The following CDYL2 variants were observed in gnomAD, a reference collection of about 807,000 sequenced individuals.
CDYL2 encodes the protein chromodomain Y like 2, also known as chromodomain Y-like protein 2.
In CDYL2, 23 loss-of-function variants were observed where a neutral mutation model predicts 49.4. The observed-to-expected ratio is 0.47, with a 90% CI of 0.34 to 0.66. The LOEUF is 0.66. Ranked by LOEUF, CDYL2 falls within the 30% of genes least tolerant of loss-of-function variation. The pLI is 0.01. For missense variants in CDYL2, 678 were observed against 656.4 expected (o/e 1.03, Z -0.36); for synonymous variants, 360 against 268.8 (o/e 1.34, Z -3.32).
intron 2 of CDYL2, among the ~76,000 whole-genome samples, chr16:80,678,096 A>C (rs1909829184): frequency 6.6e-6 from 1 of 152,150 alleles, no homozygotes; most frequent in South Asian, 2.1e-4. Flanking sequence ...CTTACACCTT[A>C]TACAAAAATC....
rs56320625 is a variant in CDYL2, at chr16:80,605,287, C to T, written c.1363-741G>A. ...TTATGTATTATATACATTATATATA[C>T]GTATAAACACATATGTATATAGGTA... On this transcript the variant is annotated intron_variant, in intron 6 of 6. Coordinates refer to ENST00000570137, the MANE Select transcript of CDYL2 (RefSeq NM_152342.4). Among the ~76,000 whole-genome samples, 797 of 148,366 alleles carry T rather than the reference C, an allele frequency of 5.4e-3. 4 individuals are homozygous for T. The highest frequency in any genetic ancestry group is 0.019 in the African/African-American group (754 of 40,612).
intron 2 of CDYL2, among the ~76,000 whole-genome samples, chr16:80,646,460 A>G (rs1208417711): frequency 6.6e-6 from 1 of 152,008 alleles, no homozygotes; most frequent in African/African-American, 2.4e-5. Flanking sequence ...TGAATGTACT[A>G]AACTCTTCAA....
At chr16:80,691,432 T>A (rs987202036) in intron 1 of CDYL2, among the ~76,000 whole-genome samples, 13 of 152,332 alleles carry the variant, frequency 8.5e-5, no homozygotes, top group African/African-American at 3.1e-4. Flanking sequence ...GGGAAATGGC[T>A]GTCAGACCAA....
At chr16:80,688,225 C>A (rs906878669) in intron 1 of CDYL2, among the ~76,000 whole-genome samples, 1 of 152,180 alleles carries the variant, frequency 6.6e-6, no homozygotes, top group Admixed American at 6.5e-5. Context: ...GTCCCATTCA[C>A]AAAGCCACTG....
At chr16:80,763,747 T>G (rs1369417943) in intron 1 of CDYL2, among the ~76,000 whole-genome samples, 1 of 152,202 alleles carries the variant, frequency 6.6e-6, no homozygotes, top group Non-Finnish European at 1.5e-5. Flanking sequence ...CCAAAATAAT[T>G]TGCAGATAAT....
chr16:80,683,154 G>C (rs905926629), intron 2 of CDYL2, among the ~76,000 whole-genome samples: 1 of 152,190 alleles, frequency 6.6e-6, no homozygotes, highest in African/African-American at 2.4e-5. Context: ...CATTCCCCCT[G>C]CATCCAAGCA....
chr16:80,685,938 C>A (rs567922275), intron 1 of CDYL2, among the ~76,000 whole-genome samples: 1 of 152,312 alleles, frequency 6.6e-6, no homozygotes, highest in East Asian at 1.9e-4. Flanking sequence ...ACAGCTCCCC[C>A]AGCTGCAACA....
In CDYL2 at chr16:80,700,034, A is replaced by G. The variant is rs181603419; in HGVS notation, c.25-14905T>C. On this transcript the variant is annotated intron_variant, in intron 1 of 6. Coordinates refer to ENST00000570137, the MANE Select transcript of CDYL2 (RefSeq NM_152342.4). ...AGGTGCCTGCAACCACGCCTGGCTG[A>G]TTTTTTAGTAGAGACGGGGTTTCAC... Among the ~76,000 whole-genome samples the G allele has an allele frequency of 7.1e-4, 108 of 152,222 alleles. 2 individuals are homozygous for G. The East Asian group carries it at 0.019, about 27-fold the overall frequency.
chr16:80,756,620 C>T (rs1170479769), intron 1 of CDYL2, among the ~76,000 whole-genome samples: 1 of 151,936 alleles, frequency 6.6e-6, no homozygotes, highest in East Asian at 1.9e-4. Flanking sequence ...TTTCAGACGA[C>T]AGTAAAAAAA....
At position 80,683,542 on chromosome 16, in the gene CDYL2, T is replaced by TA. The variant is rs1249735033; in HGVS notation, c.616+995dup. Among the ~76,000 whole-genome samples the TA allele has an allele frequency of 5.3e-5, 8 of 150,894 alleles. No individual in the cohort carries two copies. The South Asian group carries it at 1.7e-3, about 32-fold the overall frequency. Reference sequence around the variant, plus strand: ...CTAACACAACATATGCAGGCTGTGTTAGAGTAAGAGGCTGCCAATCGAAAG... The same window carrying TA: ...CTAACACAACATATGCAGGCTGTGTTAAGAGTAAGAGGCTGCCAATCGAAAG... On this transcript the variant is annotated intron_variant, in intron 2 of 6. Transcript: ENST00000570137.
intron 2 of CDYL2, among the ~76,000 whole-genome samples, chr16:80,667,171 G>A (rs933504186): frequency 2.6e-5 from 4 of 152,202 alleles, no homozygotes; most frequent in Non-Finnish European, 4.4e-5. Context: ...AGGGCTCACA[G>A]CGGGAGGCAT....
At position 80,684,572 on chromosome 16, in the gene CDYL2, G is replaced by A. The variant is rs149647231; in HGVS notation, c.582C>T (p.Asp194=). The stretch of plus-strand genomic sequence containing the variant: ...TCTCCGCCAGTGTAGCGTGATTCAC[G>A]TCACATTCACCCATATCTTGCTCTC... ...HVGEQDMGEC[D]VNHATLAENG... The change falls in exon 2 of 7, where the codon GAC becomes GAT. Residue 194 remains aspartate, a synonymous_variant. Coordinates refer to ENST00000570137, the MANE Select transcript of CDYL2 (RefSeq NM_152342.4). 60 of 1,614,056 alleles carry A rather than the reference G, an allele frequency of 3.7e-5. No homozygotes were observed. Among genetic ancestry groups the A allele is most frequent in the Middle Eastern group, 3.3e-4 (2 of 6,062 alleles).
chr16:80,685,512 G>A (rs1478812761), intron 1 of CDYL2, among the ~76,000 whole-genome samples: 2 of 152,170 alleles, frequency 1.3e-5, no homozygotes, highest in East Asian at 3.8e-4. Flanking sequence ...AATTTGGTGT[G>A]AGTTCTTCAT....
intron 2 of CDYL2, among the ~76,000 whole-genome samples, chr16:80,661,100 G>A (rs1204490700): frequency 2.0e-5 from 3 of 152,126 alleles, no homozygotes; most frequent in Admixed American, 6.5e-5. Context: ...CAGGGCACAG[G>A]AACCATGTCC....
At chr16:80,676,902 TG>T in intron 2 of CDYL2, among the ~76,000 whole-genome samples, 1 of 152,022 alleles carries the variant, frequency 6.6e-6, no homozygotes. Flanking sequence ...CAAAACCCTC[TG>T]GGCCTTGTGT....
At chr16:80,750,238 T>C (rs1285974397) in intron 1 of CDYL2, among the ~76,000 whole-genome samples, 1 of 151,682 alleles carries the variant, frequency 6.6e-6, no homozygotes, top group Non-Finnish European at 1.5e-5. Context: ...AAATATATTT[T>C]AAAAAAAGTT....
rs964464216 is a variant in CDYL2 at position 80,804,286 on chromosome 16, T to C, written c.-113A>G. ...GTGTGTGCGCGCGTGTGTGTGCGAGTGTGTGTGGTGTGTTGAGTAAACTGT... is the reference window on the plus strand; with the variant it reads ...GTGTGTGCGCGCGTGTGTGTGCGAGCGTGTGTGGTGTGTTGAGTAAACTGT... On this transcript the variant is annotated 5_prime_UTR_variant, in exon 1 of 7. Transcript: ENST00000570137. The C allele has an allele frequency of 1.4e-4, 129 of 930,608 alleles. 1 individual carries two copies. Among genetic ancestry groups the C allele is most frequent in the Admixed American group, 1.2e-3 (37 of 30,198 alleles). The allele number at this position is 930,608 out of a possible 1,614,324, so 57.6% of individuals were successfully genotyped here.
At chr16:80,660,234 A>G (rs1433681214) in intron 2 of CDYL2, among the ~76,000 whole-genome samples, 1 of 152,150 alleles carries the variant, frequency 6.6e-6, no homozygotes. Flanking sequence ...GGGTAAAAAA[A>G]TAGATTTTTA....
intron 1 of CDYL2, among the ~76,000 whole-genome samples, chr16:80,765,811 T>C (rs1216763541): frequency 1.9e-5 from 2 of 105,606 alleles, no homozygotes; most frequent in African/African-American, 3.8e-5. Context: ...GAGGCTGAGG[T>C]GGGAGGATCT....
Sources: gnomAD v4.1 joint callset for allele counts (sites outside exome capture counted in the v4.1 genomes callset) on GRCh38, gnomAD v4.1.1 for gene constraint, MANE v1.5 for transcripts, NCBI Gene and HGNC (gene_info 2026-07-23, HGNC 2026-07-21) for gene names.